The following SND1 variants were observed in gnomAD, a reference collection of about 807,000 sequenced individuals.
SND1 encodes staphylococcal nuclease domain-containing protein 1.
Under a neutral mutation model 121.7 loss-of-function variants are expected in SND1, and 38 were observed. That is an observed-to-expected ratio of 0.31 (90% CI 0.24 to 0.41). The LOEUF is 0.41. Among genes scored for constraint, SND1 ranks in the 10% least tolerant of loss-of-function variants. The pLI, the probability that SND1 is intolerant of heterozygous loss-of-function variation, is 1.00. For missense variants in SND1, 868 were observed against 1,184.6 expected, an observed-to-expected ratio of 0.73 and a Z score of 3.92; for synonymous variants, 401 against 447.4, an observed-to-expected ratio of 0.90 and a Z score of 1.31.
intron 3 of SND1, 41 bp from the exon 4 acceptor site, chr7:127,698,834 G>C: frequency 6.4e-7 from 1 of 1,559,864 alleles, no homozygotes; most frequent in Non-Finnish European, 8.8e-7. Flanking sequence ...GTTGGAGGCA[G>C]GTTTGAATCT....
intron 12 of SND1, among the ~76,000 whole-genome samples, chr7:127,879,002 G>C (rs1239816151): frequency 1.3e-5 from 2 of 152,118 alleles, no homozygotes. Flanking sequence ...AACCAGTGAA[G>C]ACTGGAGAAT....
chr7:127,707,766 A>AGTGTGT (rs35627839), intron 9 of SND1, 119 bp downstream of exon 9: 17,421 of 407,914 alleles, frequency 0.043, 411 homozygotes, highest in African/African-American at 0.063. Context: ...AGCCAGTAGG[A>AGTGTGT]GTGTGTGTGT....
At chr7:127,850,629 G>GT (rs200789190) in intron 12 of SND1, among the ~76,000 whole-genome samples, 6 of 152,252 alleles carry the variant, frequency 3.9e-5, no homozygotes, top group African/African-American at 1.4e-4. Context: ...GAGGGTTGTT[G>GT]TTTTTTTCCA....
chr7:127,738,969 G>T (rs983340179), intron 10 of SND1, among the ~76,000 whole-genome samples: 1 of 152,198 alleles, frequency 6.6e-6, no homozygotes, highest in Non-Finnish European at 1.5e-5. Context: ...CACTTGCAGG[G>T]TGTGTTTGTG....
At chr7:127,695,904 G>T (rs534966398) in intron 3 of SND1, among the ~76,000 whole-genome samples, 9 of 152,296 alleles carry the variant, frequency 5.9e-5, no homozygotes, top group African/African-American at 2.2e-4. Flanking sequence ...TGGGCCAGAT[G>T]CTTCATGGGA....
At chr7:127,945,976 A>T (rs1448190375) in intron 15 of SND1, among the ~76,000 whole-genome samples, 2 of 152,154 alleles carry the variant, frequency 1.3e-5, no homozygotes, top group Non-Finnish European at 2.9e-5. Flanking sequence ...GAACATATTT[A>T]TCTCCAGGTA....
intron 16 of SND1, among the ~76,000 whole-genome samples, chr7:128,025,136 G>A (rs1803445719): frequency 1.3e-5 from 2 of 152,228 alleles, no homozygotes; most frequent in Non-Finnish European, 2.9e-5. Flanking sequence ...CACATGTGGA[G>A]CCCCTGTAGT....
intron 19 of SND1, 149 bp downstream of exon 19, chr7:128,084,996 C>A: frequency 1.3e-6 from 1 of 773,022 alleles, no homozygotes; most frequent in Non-Finnish European, 1.9e-6. Context: ...TCTTCATTGC[C>A]CACAGCCCAT....
chr7:128,032,254 C>T (rs1253643601), intron 16 of SND1: 1 of 151,712 alleles, frequency 6.6e-6, no homozygotes, highest in Non-Finnish European at 1.5e-5. Flanking sequence ...AGCCCCGCGC[C>T]TCCGGCCGCC....
At chr7:127,849,658 GA>G (rs143307280) in intron 12 of SND1, among the ~76,000 whole-genome samples, 1,708 of 152,308 alleles carry the variant, frequency 0.011, 30 homozygotes, top group African/African-American at 0.039. Flanking sequence ...GAAAGTTAAA[GA>G]ATGGCACAGA....
intron 22 of SND1, 73 bp from the exon 23 acceptor site, chr7:128,091,764 A>C: frequency 6.6e-7 from 1 of 1,520,782 alleles, no homozygotes; most frequent in South Asian, 1.1e-5. Flanking sequence ...TTACCTAAGC[A>C]TTCTGCAGGG....
At chr7:127,982,837 A>G (rs1361210584) in intron 15 of SND1, among the ~76,000 whole-genome samples, 4 of 152,230 alleles carry the variant, frequency 2.6e-5, no homozygotes, top group Non-Finnish European at 5.9e-5. Context: ...AGCAAGAAGT[A>G]CAAGTTTTTG....
chr7:127,861,974 A>T (rs1042182296), intron 12 of SND1, among the ~76,000 whole-genome samples: 1 of 152,200 alleles, frequency 6.6e-6, no homozygotes, highest in Non-Finnish European at 1.5e-5. Flanking sequence ...TTTGACATTG[A>T]TAGACTATGT....
At chr7:127,868,894 C>T (rs973005312) in intron 12 of SND1, among the ~76,000 whole-genome samples, 1 of 151,862 alleles carries the variant, frequency 6.6e-6, no homozygotes, top group Non-Finnish European at 1.5e-5. Flanking sequence ...AGCTTATTTA[C>T]TGAGTTGAGT....
intron 1 of SND1, among the ~76,000 whole-genome samples, chr7:127,659,422 A>AT (rs1795271001): frequency 6.6e-6 from 1 of 152,198 alleles, no homozygotes; most frequent in African/African-American, 2.4e-5. Flanking sequence ...TTTTGATGTC[A>AT]TTTTCAGATG....
At chr7:127,739,134 C>T (rs1204703550) in intron 10 of SND1, among the ~76,000 whole-genome samples, 1 of 152,180 alleles carries the variant, frequency 6.6e-6, no homozygotes, top group Non-Finnish European at 1.5e-5. Context: ...AGAATGGGTT[C>T]AGGGCTGGTG....
At chr7:127,866,292 G>T (rs1365633255) in intron 12 of SND1, among the ~76,000 whole-genome samples, 1 of 152,202 alleles carries the variant, frequency 6.6e-6, no homozygotes, top group African/African-American at 2.4e-5. Context: ...CTTTAAGTAG[G>T]CATAGTCATT....
At chr7:127,662,815 A>G (rs919559400) in intron 1 of SND1, among the ~76,000 whole-genome samples, 9 of 151,858 alleles carry the variant, frequency 5.9e-5, no homozygotes, top group Non-Finnish European at 1.2e-4. Context: ...CAACCTCCCA[A>G]TATCTGGAGA....
intron 16 of SND1, among the ~76,000 whole-genome samples, chr7:128,073,588 A>G (rs1210670171): frequency 1.3e-5 from 2 of 152,346 alleles, no homozygotes; most frequent in East Asian, 3.9e-4. Context: ...GTATTTAGAC[A>G]TTCATTTTAT....
Sources: gnomAD v4.1 joint callset for allele counts (sites outside exome capture counted in the v4.1 genomes callset) on GRCh38, gnomAD v4.1.1 for gene constraint, MANE v1.5 for transcripts, NCBI Gene and HGNC (gene_info 2026-07-23, HGNC 2026-07-21) for gene names.